CADPS2: variants seen among roughly 807,000 people sequenced by gnomAD.
CADPS2 encodes calcium-dependent secretion activator 2.
CADPS2 carries 93 observed loss-of-function variants against 172.5 expected under a neutral mutation model. The observed-to-expected ratio is 0.54, with a 90% CI of 0.46 to 0.64. The LOEUF (loss-of-function observed/expected upper bound fraction) is 0.64, where lower values mean the gene tolerates loss of function less well. Among genes scored for constraint, CADPS2 ranks in the 30% least tolerant of loss-of-function variants. The probability of loss-of-function intolerance (pLI) is 0.00; values close to 1 mark genes in which losing one functional copy is unlikely to be tolerated. For synonymous variants in CADPS2, 546 were observed against 555.2 expected (o/e 0.98, Z 0.23); for missense variants, 1,420 against 1,565.9 (o/e 0.91, Z 1.57).
At chr7:122,732,846 G>T (rs1208141264) in intron 2 of CADPS2, among the ~76,000 whole-genome samples, 1 of 138,212 alleles carries the variant, frequency 7.2e-6, no homozygotes, top group Non-Finnish European at 1.5e-5. Flanking sequence ...CATTATATAT[G>T]CTATGTATAT....
chr7:122,475,764 T>C lies in CADPS2; in HGVS notation c.1862-1247A>G, dbSNP rs925347674. On this transcript the variant is annotated intron_variant, in intron 12 of 29. Coordinates refer to ENST00000449022, the MANE Select transcript of CADPS2 (RefSeq NM_017954.11). ...AATGATACACAAACTAATGTACATC[T>C]CACATCAATGACAGATAGGAAAAGG... 5.3e-5 allele frequency among the ~76,000 whole-genome samples: 8 copies of C among 152,158 alleles called. No individual in the cohort carries two copies. The South Asian group carries it at 1.7e-3, about 31-fold the overall frequency.
intron 6 of CADPS2, among the ~76,000 whole-genome samples, chr7:122,605,221 G>A (rs555064071): frequency 1.1e-4 from 17 of 152,174 alleles, no homozygotes; most frequent in African/African-American, 4.1e-4. Flanking sequence ...AGTAAGTGGT[G>A]AGTAAATGTG....
intron 6 of CADPS2, among the ~76,000 whole-genome samples, chr7:122,610,577 C>T (rs1003110437): frequency 6.6e-6 from 1 of 151,954 alleles, no homozygotes; most frequent in African/African-American, 2.4e-5. Flanking sequence ...CTGCAAATGG[C>T]CATGACAGAA....
intron 1 of CADPS2, among the ~76,000 whole-genome samples, chr7:122,761,833 GA>G (rs34908983): frequency 1.9e-3 from 257 of 133,080 alleles, no homozygotes; most frequent in South Asian, 0.012. Flanking sequence ...CATCTCTACT[GA>G]AAAAAAAAAA....
intron 3 of CADPS2, among the ~76,000 whole-genome samples, chr7:122,658,528 T>C (rs2080102243): frequency 1.3e-5 from 2 of 152,176 alleles, no homozygotes; most frequent in African/African-American, 4.8e-5. Flanking sequence ...ATGTGGCACA[T>C]ATACACCATG....
intron 15 of CADPS2, among the ~76,000 whole-genome samples, chr7:122,448,416 G>T (rs753714312): frequency 1.3e-5 from 2 of 152,106 alleles, no homozygotes; most frequent in Non-Finnish European, 2.9e-5. Context: ...GTAAGATTTG[G>T]GTGGGGACAC....
At chr7:122,799,469 G>A (rs976506438) in intron 1 of CADPS2, among the ~76,000 whole-genome samples, 1 of 151,954 alleles carries the variant, frequency 6.6e-6, no homozygotes, top group Admixed American at 6.6e-5. Flanking sequence ...CGGGCGTGGT[G>A]GTGGGCGCCT....
intron 2 of CADPS2, among the ~76,000 whole-genome samples, chr7:122,679,867 C>T (rs1341611925): frequency 6.6e-6 from 1 of 152,134 alleles, no homozygotes; most frequent in East Asian, 1.9e-4. Flanking sequence ...AATCTTGTGG[C>T]CTTTCATTAG....
intron 28 of CADPS2, among the ~76,000 whole-genome samples, chr7:122,336,374 T>C (rs1449336946): frequency 3.9e-5 from 6 of 152,176 alleles, no homozygotes; most frequent in Non-Finnish European, 7.3e-5. Context: ...TGGAGGGTAG[T>C]AGCTATCTGT....
chr7:122,760,527 T>G (rs1025563231), intron 1 of CADPS2, among the ~76,000 whole-genome samples: 13 of 151,902 alleles, frequency 8.6e-5, no homozygotes, highest in Non-Finnish European at 1.6e-4. Flanking sequence ...AATCCTAACC[T>G]GATAATGTAG....
chr7:122,608,262 T>A (rs1016859233), intron 6 of CADPS2, among the ~76,000 whole-genome samples: 1 of 151,712 alleles, frequency 6.6e-6, no homozygotes, highest in Non-Finnish European at 1.5e-5. Context: ...TATAAAAATG[T>A]AGCATATTTT....
intron 15 of CADPS2, among the ~76,000 whole-genome samples, chr7:122,443,982 T>TC (rs1015550725): frequency 6.6e-6 from 1 of 152,072 alleles, no homozygotes; most frequent in Non-Finnish European, 1.5e-5. Flanking sequence ...CTGCAAGTCT[T>TC]CCCCCCAGAT....
chr7:122,646,256 C>A (rs1290689975), intron 3 of CADPS2, among the ~76,000 whole-genome samples: 2 of 152,050 alleles, frequency 1.3e-5, no homozygotes, highest in Non-Finnish European at 2.9e-5. Flanking sequence ...ATAGGAAACA[C>A]AAGTAACATT....
chr7:122,500,667 AG>A (rs1375874959), intron 9 of CADPS2, among the ~76,000 whole-genome samples: 1 of 152,202 alleles, frequency 6.6e-6, no homozygotes. Context: ...CATAGTTATA[AG>A]AAAGCCATCA....
intron 9 of CADPS2, among the ~76,000 whole-genome samples, chr7:122,508,062 G>T (rs567457216): frequency 2.0e-5 from 3 of 152,144 alleles, no homozygotes; most frequent in Admixed American, 1.3e-4. Flanking sequence ...TACTTGTGTA[G>T]AAAATTTTAT....
chr7:122,572,323 C>T (rs1202058744), intron 7 of CADPS2, among the ~76,000 whole-genome samples: 6 of 152,056 alleles, frequency 3.9e-5, no homozygotes, highest in African/African-American at 7.2e-5. Flanking sequence ...TCCTTAAATC[C>T]TTTCAGATAG....
intron 1 of CADPS2, among the ~76,000 whole-genome samples, chr7:122,781,919 G>T: frequency 6.6e-6 from 1 of 152,168 alleles, no homozygotes; most frequent in Middle Eastern, 3.4e-3. Context: ...TATTTATTTT[G>T]GGTGTCTTGA....
At chr7:122,676,772 CTG>C in intron 2 of CADPS2, 2 of 1,071,336 alleles carry the variant, frequency 1.9e-6, no homozygotes, top group Non-Finnish European at 2.8e-6. Flanking sequence ...CTTCTCCAGA[CTG>C]TGAACCAAAC....
chr7:122,529,764 T>C (rs906894782), intron 8 of CADPS2, among the ~76,000 whole-genome samples: 4 of 152,142 alleles, frequency 2.6e-5, no homozygotes, highest in Non-Finnish European at 5.9e-5. Flanking sequence ...GGATCCCGCT[T>C]GAAGATCCAC....
Sources: gnomAD v4.1 joint callset for allele counts (sites outside exome capture counted in the v4.1 genomes callset) on GRCh38, gnomAD v4.1.1 for gene constraint, MANE v1.5 for transcripts, NCBI Gene and HGNC (gene_info 2026-07-23, HGNC 2026-07-21) for gene names.